Variants in CELSR1 observed in about 807,000 individuals in gnomAD.
CELSR1 encodes cadherin EGF LAG seven-pass G-type receptor 1.
Under a neutral mutation model 249.1 loss-of-function variants are expected in CELSR1, and 110 were observed. The observed-to-expected ratio is 0.44, with a 90% CI of 0.38 to 0.52. The LOEUF is 0.52. CELSR1 is among the 20% of genes least tolerant of loss of function. The probability of loss-of-function intolerance (pLI) is 0.00; values close to 1 mark genes in which losing one functional copy is unlikely to be tolerated. For missense variants in CELSR1, 4,109 were observed against 4,296.4 expected (o/e 0.96, Z 1.22); for synonymous variants, 2,113 against 1,900.0 (o/e 1.11, Z -2.92).
In CELSR1 at chr22:46,398,635, G is replaced by A; in HGVS notation, c.5415C>T (p.Asn1805=). ...TMTLDYGMDQ[N]KADIGGMLPG... ...GAAGCATGCCCCCGATATCTGCCTT[G>A]TTCTGTGCGGAGAGAGGGGCCGGGG... The change falls in exon 11 of 35, where the codon AAC becomes AAT. Residue 1805 remains asparagine, a splice_region_variant and synonymous_variant. Coordinates refer to ENST00000674500, the MANE Select transcript of CELSR1 (RefSeq NM_001378328.1). The surrounding 1 kb of genome is among the most constrained non-coding windows in gnomAD (Gnocchi z 7.2). The A allele has an allele frequency of 2.5e-6, 4 of 1,611,532 alleles. No homozygotes were observed. Among genetic ancestry groups the A allele is most frequent in the Non-Finnish European group, 3.4e-6 (4 of 1,178,970 alleles).
chr22:46,403,471 G>A (rs937415752), intron 9 of CELSR1, among the ~76,000 whole-genome samples: 4 of 151,816 alleles, frequency 2.6e-5, no homozygotes, highest in Non-Finnish European at 5.9e-5. Context: ...GCAGGAGAAT[G>A]GCATGAACCC....
intron 9 of CELSR1, among the ~76,000 whole-genome samples, chr22:46,404,320 G>A (rs976742170): frequency 2.0e-5 from 3 of 152,010 alleles, no homozygotes; most frequent in African/African-American, 4.8e-5. Context: ...GCTGAGGTAG[G>A]AGAATCCCTT....
chr22:46,453,021 CTGTG>C (rs1431782487), intron 2 of CELSR1, among the ~76,000 whole-genome samples: 250 of 152,314 alleles, frequency 1.6e-3, no homozygotes, highest in Non-Finnish European at 2.9e-3. Context: ...GGAGAGGGCA[CTGTG>C]CAGCCTGGCG....
At chr22:46,414,442 A>G (rs1324381342) in intron 5 of CELSR1, among the ~76,000 whole-genome samples, 18 of 152,228 alleles carry the variant, frequency 1.2e-4, no homozygotes. Context: ...CCGATGGCCC[A>G]TCCCTCTCCT....
rs965601910 is a variant in CELSR1, at chr22:46,440,686, G to C, written c.4184-1275C>G. Among the ~76,000 whole-genome samples the C allele has an allele frequency of 2.6e-5, 4 of 152,174 alleles. No individual in the cohort carries two copies. The highest frequency in any genetic ancestry group is 2.6e-4 in the Admixed American group (4 of 15,280). ...TTGGTCCTGCTCTTATTGTGTTATA[G>C]AAGCTCCTCGTAAATTATGGAAGGA... On this transcript the variant is annotated intron_variant, in intron 2 of 34. Coordinates refer to ENST00000674500, the MANE Select transcript of CELSR1 (RefSeq NM_001378328.1). The surrounding 1 kb of genome is among the most constrained non-coding windows in gnomAD (Gnocchi z 4.7).
rs947104353 is a variant in CELSR1 at position 46,395,011 on chromosome 22, C to T, written c.5844-749G>A. Among the ~76,000 whole-genome samples, 3 of 152,318 alleles carry T rather than the reference C, an allele frequency of 2.0e-5. No individual in the cohort carries two copies. The highest frequency in any genetic ancestry group is 3.4e-3 in the Middle Eastern group (1 of 294). ...GCAACGGCCCCGCCCGAGTGTCCTGCGGGCTCCTGCAATCCCCCCTGGCTA... is the reference window on the plus strand; with the variant it reads ...GCAACGGCCCCGCCCGAGTGTCCTGTGGGCTCCTGCAATCCCCCCTGGCTA... On this transcript the variant is annotated intron_variant, in intron 13 of 34. Transcript: ENST00000674500. The surrounding 1 kb of genome is among the most constrained non-coding windows in gnomAD (Gnocchi z 5.5).
chr22:46,470,831 T>C (rs1234847142), intron 1 of CELSR1, among the ~76,000 whole-genome samples: 1 of 151,984 alleles, frequency 6.6e-6, no homozygotes, highest in Non-Finnish European at 1.5e-5. Flanking sequence ...TGATGTTAGG[T>C]TACAAGAAAC....
rs997401609 is a variant in CELSR1, at chr22:46,454,554, C to T, written c.4183+9153G>A. Among the ~76,000 whole-genome samples the T allele has an allele frequency of 2.6e-5, 4 of 152,214 alleles. No homozygotes were observed. The highest frequency in any genetic ancestry group is 4.4e-5 in the Non-Finnish European group (3 of 68,048). ...ACCACAGCGAGGTTTCTATTGCATG[C>T]GGCTCGTCTTCAGGCCACTTTTCTA... On this transcript the variant is annotated intron_variant, in intron 2 of 34. Transcript: ENST00000674500. The surrounding 1 kb of genome is among the most constrained non-coding windows in gnomAD (Gnocchi z 5.1).
rs758938324 is a variant in CELSR1, at chr22:46,407,401, G to A, written c.5226+1595C>T. On this transcript the variant is annotated intron_variant, in intron 9 of 34. Coordinates refer to ENST00000674500, the MANE Select transcript of CELSR1 (RefSeq NM_001378328.1). This position sits in a 1 kb window ranked among gnomAD's most constrained non-coding sequence, Gnocchi z 4.8. ...TCCCAGCACTTTGGGAGGCGGAGGC[G>A]AGTGGATCACCTGAGGTCAGGAGTT... Among the ~76,000 whole-genome samples the A allele has an allele frequency of 9.2e-5, 14 of 152,072 alleles. No individual in the cohort carries two copies. Among genetic ancestry groups the A allele is most frequent in the African/African-American group, 1.4e-4 (6 of 41,414 alleles).
Position 46,436,101 on chromosome 22 carries a change from G to A in CELSR1, c.4522+73C>T. The A allele has an allele frequency of 1.7e-6, 2 of 1,180,420 alleles. No homozygotes were observed. Among genetic ancestry groups the A allele is most frequent in the South Asian group, 2.5e-5 (2 of 78,994 alleles). The allele number at this position is 1,180,420 out of a possible 1,614,324, so 73.1% of individuals were successfully genotyped here. On this transcript the variant is annotated intron_variant, in intron 4 of 34. Transcript: ENST00000674500. The surrounding 1 kb of genome is among the most constrained non-coding windows in gnomAD (Gnocchi z 5.9). ...TAAGCAGCTTGGAGGCGCTGCACAG[G>A]GCGAGGGTCGTTTTAACCCACAAAG...
At position 46,410,646 on chromosome 22, in the gene CELSR1, G is replaced by T; in HGVS notation, c.4770-85C>A. ...TGGGCTCCGCAGTTGCCTCTGTGTA[G>T]CCTCTACCACCATAACTACTTCAGA... On this transcript the variant is annotated intron_variant, in intron 6 of 34. Coordinates refer to ENST00000674500, the MANE Select transcript of CELSR1 (RefSeq NM_001378328.1). This position sits in a 1 kb window ranked among gnomAD's most constrained non-coding sequence, Gnocchi z 6.8. 1 of 1,400,682 alleles carries T rather than the reference G, an allele frequency of 7.1e-7. No homozygotes were observed. Among genetic ancestry groups the T allele is most frequent in the South Asian group, 1.2e-5 (1 of 81,788 alleles). 86.8% of individuals were successfully genotyped at this position (1,400,682 alleles called of 1,614,324 possible).
intron 17 of CELSR1, 117 bp from the exon 18 acceptor site, chr22:46,389,616 T>C (rs999228026): frequency 1.6e-5 from 19 of 1,155,880 alleles, no homozygotes; most frequent in African/African-American, 9.3e-5. Context: ...AAAGGAACTT[T>C]AAAAAATCCA....
rs1043309896 is a variant in CELSR1 at position 46,434,322 on chromosome 22, T to C, written c.4523-841A>G. ...CTTTGGGGATTCTGGGGCACAACCC[T>C]GAGTCAGCAGCAGCAGCTGGGAGGA... is the stretch of plus-strand genomic sequence containing the variant. On this transcript the variant is annotated intron_variant, in intron 4 of 34. Coordinates refer to ENST00000674500, the MANE Select transcript of CELSR1 (RefSeq NM_001378328.1). The surrounding 1 kb of genome is among the most constrained non-coding windows in gnomAD (Gnocchi z 4.9). Among the ~76,000 whole-genome samples the C allele has an allele frequency of 6.6e-6, 1 of 152,162 alleles. No individual in the cohort carries two copies. The highest frequency in any genetic ancestry group is 1.5e-5 in the Non-Finnish European group (1 of 68,026).
rs59470297 is a variant in CELSR1, at chr22:46,506,173, C to CAAAAAAAAAA, written c.3544+27444_3544+27453dup. Among the ~76,000 whole-genome samples, 1 of 137,030 alleles carries CAAAAAAAAAA rather than the reference C, an allele frequency of 7.3e-6. No homozygotes were observed. The highest frequency in any genetic ancestry group is 2.9e-5 in the African/African-American group (1 of 34,246). 89.9% of individuals were successfully genotyped at this position (137,030 alleles called of 152,430 possible). A position where few individuals can be genotyped will look rare whatever the true frequency, so the allele number is the denominator to read the frequency against. Reference sequence around the variant, plus strand: ...CAGCCTGGGCGACAGAGACTGTCTCCAAAAAAAAAAAAAAAAAAAAGAAAA... The same window carrying CAAAAAAAAAA: ...CAGCCTGGGCGACAGAGACTGTCTCCAAAAAAAAAAAAAAAAAAAAAAAAAAAAAAGAAAA... On this transcript the variant is annotated intron_variant, in intron 1 of 34. Coordinates refer to ENST00000674500, the MANE Select transcript of CELSR1 (RefSeq NM_001378328.1). This position sits in a 1 kb window ranked among gnomAD's most constrained non-coding sequence, Gnocchi z 4.1.
At chr22:46,515,019 C>T (rs934256224) in intron 1 of CELSR1, among the ~76,000 whole-genome samples, 2 of 152,216 alleles carry the variant, frequency 1.3e-5, no homozygotes, top group African/African-American at 2.4e-5. Flanking sequence ...GCCTAGTCCT[C>T]GCCAGCCCCT....
At chr22:46,522,391 T>C (rs1028463305) in intron 1 of CELSR1, among the ~76,000 whole-genome samples, 5 of 152,338 alleles carry the variant, frequency 3.3e-5, no homozygotes, top group Middle Eastern at 3.4e-3. Context: ...GATTATAGGC[T>C]GGAGCCCCCA....
At chr22:46,477,315 C>G (rs1364060433) in intron 1 of CELSR1, among the ~76,000 whole-genome samples, 2 of 152,168 alleles carry the variant, frequency 1.3e-5, no homozygotes, top group Non-Finnish European at 2.9e-5. Context: ...GGATCAAACA[C>G]CTGGAGTTTA....
chr22:46,510,406 G>A (rs1016042897), intron 1 of CELSR1, among the ~76,000 whole-genome samples: 1 of 152,086 alleles, frequency 6.6e-6, no homozygotes, highest in African/African-American at 2.4e-5. Flanking sequence ...GGTAATTAAA[G>A]TGAGCCAGAC....
Position 46,463,935 on chromosome 22 carries a change from C to T in CELSR1, c.3955G>A (p.Val1319Met), listed in dbSNP as rs1354307495. The T allele has an allele frequency of 5.6e-6, 9 of 1,614,028 alleles. No homozygotes were observed. The highest frequency in any genetic ancestry group is 2.2e-5 in the South Asian group (2 of 91,082). ...REPCENYMKCVSVLRFDSSAP... is the reference protein window; with the variant it reads ...REPCENYMKCMSVLRFDSSAP... The stretch of plus-strand genomic sequence containing the variant: ...GAGCTGTCGAATCGCAGAACGGACA[C>T]GCACTTCATGTAGTTCTCGCAGGGC... The change falls in exon 2 of 35, where the codon GTG becomes ATG. Residue 1319 changes from valine to methionine, a missense_variant. Coordinates refer to ENST00000674500, the MANE Select transcript of CELSR1 (RefSeq NM_001378328.1).
Sources: gnomAD v4.1 joint callset for allele counts (sites outside exome capture counted in the v4.1 genomes callset) on GRCh38, gnomAD v4.1.1 for gene constraint, Gnocchi (gnomAD v3.1) non-coding constraint, MANE v1.5 for transcripts, NCBI Gene and HGNC (gene_info 2026-07-23, HGNC 2026-07-21) for gene names.